The following CTCFL variants were observed in gnomAD, a reference collection of about 807,000 sequenced individuals.
The protein encoded by CTCFL is transcriptional repressor CTCFL.
A neutral mutation model predicts 67.4 loss-of-function variants in CTCFL; 36 were observed. The ratio of observed to expected loss-of-function variants is 0.53; its 90% confidence interval spans 0.41 to 0.71. The LOEUF (loss-of-function observed/expected upper bound fraction) is 0.71. Ranked by LOEUF, CTCFL falls within the 30% of genes least tolerant of loss-of-function variation. The pLI is 0.00. For missense variants in CTCFL, 786 were observed against 835.2 expected (o/e 0.94, Z 0.73); for synonymous variants, 324 against 302.3 (o/e 1.07, Z -0.75).
intron 10 of CTCFL, among the ~76,000 whole-genome samples, chr20:57,501,403 GA>G (rs2067907928): frequency 8.2e-6 from 1 of 121,854 alleles, no homozygotes; most frequent in South Asian, 3.1e-4. Context: ...GTGGGTGGGG[GA>G]CATAAAGCTG....
Position 57,524,282 on chromosome 20 carries a change from G to A in CTCFL, c.-11-66C>T, listed in dbSNP as rs2146481529. 4 of 1,534,816 alleles carry A rather than the reference G, an allele frequency of 2.6e-6. No homozygotes were observed. In the South Asian group the frequency reaches 3.8e-5, roughly 15 times the overall value. ...AGGGGGTGGTATGAGGAGGGATGCGGGGGGTGCTGGAACCTAGCAGGCTTT... is the reference window on the plus strand; with the variant it reads ...AGGGGGTGGTATGAGGAGGGATGCGAGGGGTGCTGGAACCTAGCAGGCTTT... On this transcript the variant is annotated intron_variant, in intron 1 of 10. Transcript: ENST00000243914.
intron 10 of CTCFL, among the ~76,000 whole-genome samples, chr20:57,499,320 G>A (rs1408237463): frequency 6.6e-6 from 1 of 152,158 alleles, no homozygotes; most frequent in Non-Finnish European, 1.5e-5. Context: ...TGGGTTGCGC[G>A]TTCTGCTAGG....
intron 10 of CTCFL, among the ~76,000 whole-genome samples, chr20:57,501,157 T>A (rs751896322): frequency 1.3e-5 from 2 of 152,198 alleles, no homozygotes; most frequent in African/African-American, 2.4e-5. Context: ...CCAGGCCTAG[T>A]GCCAGGAGCT....
intron 9 of CTCFL, chr20:57,506,722 G>A (rs535056261): frequency 1.1e-6 from 1 of 885,718 alleles, no homozygotes; most frequent in African/African-American, 1.8e-5. Flanking sequence ...AAAATTTTAT[G>A]TTCTGAGGGA....
At chr20:57,509,316 C>T (rs1161929484) in intron 8 of CTCFL, among the ~76,000 whole-genome samples, 4 of 143,310 alleles carry the variant, frequency 2.8e-5, no homozygotes, top group Admixed American at 1.4e-4. Context: ...GACAGGGTCT[C>T]GCTCTGTCAC....
At chr20:57,517,283 C>CTTT (rs77609219) in intron 5 of CTCFL, among the ~76,000 whole-genome samples, 4 of 130,766 alleles carry the variant, frequency 3.1e-5, no homozygotes, top group African/African-American at 2.8e-5. Flanking sequence ...AGTTCAAATG[C>CTTT]TTTTTTTTTT....
In CTCFL at chr20:57,515,719, T is replaced by C. The variant is rs768475774; in HGVS notation, c.1175A>G (p.His392Arg). ...TYKLKRHMRT[H>R]SGEKPYECHI... Reference sequence around the variant, plus strand: ...TTCAGCACCAGAGCCCTTACCTGAGTGCGTTCTCATGTGGCGTTTCAGCTT... The same window carrying C: ...TTCAGCACCAGAGCCCTTACCTGAGCGCGTTCTCATGTGGCGTTTCAGCTT... The change falls in exon 6 of 11, where the codon CAC (histidine) becomes CGC (arginine). Residue 392 changes from histidine to arginine, a missense_variant. Transcript: ENST00000243914. 1.2e-6 allele frequency: 2 copies of C among 1,614,148 alleles called. No individual in the cohort carries two copies. Among genetic ancestry groups the C allele is most frequent in the Non-Finnish European group, 1.7e-6 (2 of 1,180,010 alleles).
chr20:57,523,799 A>C lies in CTCFL; in HGVS notation c.407T>G (p.Ile136Ser), dbSNP rs144594152. 33 of 1,613,072 alleles carry C rather than the reference A, an allele frequency of 2.0e-5. No homozygotes were observed. The highest frequency in any genetic ancestry group is 2.0e-5 in the Non-Finnish European group (24 of 1,180,044). The change falls in exon 2 of 11, where the codon ATT (isoleucine) becomes AGT (serine). Residue 136 changes from isoleucine (I) to serine (S), a missense_variant. Around this residue, in one of 3 missense-constraint regions of CTCFL, gnomAD observed 333 missense variants for 304.6 expected, o/e 1.09. Coordinates refer to ENST00000243914, the MANE Select transcript of CTCFL (RefSeq NM_001386993.1). ...GGAGTACAGCTCTTGCTGGATACTA[A>C]TGGCCACACACTGCTGCAGGCTCTG... ...PRQSLQQCVAISIQQELYSPQ... is the reference protein window; with the variant it reads ...PRQSLQQCVASSIQQELYSPQ...
chr20:57,520,958 A>G (rs1355124685), intron 3 of CTCFL, among the ~76,000 whole-genome samples: 7 of 152,266 alleles, frequency 4.6e-5, no homozygotes, highest in African/African-American at 1.7e-4. Context: ...ATGTAGAGAC[A>G]TACAGGAATA....
At chr20:57,521,082 C>T (rs1451634754) in intron 3 of CTCFL, among the ~76,000 whole-genome samples, 3 of 152,210 alleles carry the variant, frequency 2.0e-5, no homozygotes, top group South Asian at 2.1e-4. Context: ...ATATATTCTC[C>T]CCGACAGCCT....
intron 9 of CTCFL, chr20:57,507,560 C>T (rs1395170433): frequency 1.4e-6 from 1 of 702,598 alleles, no homozygotes; most frequent in Non-Finnish European, 2.6e-6. Flanking sequence ...CACTCTCTCA[C>T]TTGCTCTGAG....
At chr20:57,510,579 C>T (rs1464628041) in intron 8 of CTCFL, among the ~76,000 whole-genome samples, 3 of 152,142 alleles carry the variant, frequency 2.0e-5, no homozygotes, top group Admixed American at 6.5e-5. Context: ...TAAAAGCATT[C>T]GGGGCCAGGC....
chr20:57,517,643 A>AT (rs2146409963), intron 5 of CTCFL, among the ~76,000 whole-genome samples: 1 of 152,216 alleles, frequency 6.6e-6, no homozygotes, highest in South Asian at 2.1e-4. Context: ...TCCTGCTGCC[A>AT]TTTTTGTCAC....
At chr20:57,518,305 G>A (rs1205980807) in intron 5 of CTCFL, among the ~76,000 whole-genome samples, 1 of 152,158 alleles carries the variant, frequency 6.6e-6, no homozygotes, top group Non-Finnish European at 1.5e-5. Context: ...TGAAAAGGGT[G>A]GTCTCTCTGT....
At chr20:57,515,454 G>A (rs917783182) in intron 6 of CTCFL, 47 of 437,052 alleles carry the variant, frequency 1.1e-4, no homozygotes, top group Non-Finnish European at 1.4e-4. Flanking sequence ...CAGGAGTTGA[G>A]TTTTAAATAC....
chr20:57,505,264 T>C (rs1469097940), intron 9 of CTCFL, among the ~76,000 whole-genome samples: 1 of 151,782 alleles, frequency 6.6e-6, no homozygotes, highest in Non-Finnish European at 1.5e-5. Flanking sequence ...TATTTATTTA[T>C]TTATTTTTTG....
rs757765643 is a variant in CTCFL at position 57,512,759 on chromosome 20, T to C, written c.1331-7A>G. On this transcript the variant is annotated splice_polypyrimidine_tract_variant and splice_region_variant and intron_variant, in intron 7 of 10. Transcript: ENST00000243914. Reference sequence around the variant, plus strand: ...AAGTTGCGCATATGCACACCTAAAATGGTCACAGAACATTATATACTTCAA... The same window carrying C: ...AAGTTGCGCATATGCACACCTAAAACGGTCACAGAACATTATATACTTCAA... 2 of 1,613,718 alleles carry C rather than the reference T, an allele frequency of 1.2e-6. No individual in the cohort carries two copies. The highest frequency in any genetic ancestry group is 1.7e-5 in the Admixed American group (1 of 59,998).
intron 10 of CTCFL, chr20:57,500,233 G>T: frequency 1.9e-6 from 2 of 1,044,000 alleles, no homozygotes; most frequent in Non-Finnish European, 2.4e-6. Context: ...GGGAGGCCGA[G>T]GCGGGCAGAT....
downstream of CTCFL, chr20:57,497,108 A>C: frequency 2.5e-6 from 1 of 403,030 alleles, no homozygotes; most frequent in Non-Finnish European, 3.3e-6. Flanking sequence ...CAATTTCTCC[A>C]CATTCTCTCC....
Sources: gnomAD v4.1 joint callset for allele counts (sites outside exome capture counted in the v4.1 genomes callset) on GRCh38, gnomAD v4.1.1 for gene constraint, gnomAD v4.1.1 regional missense constraint, MANE v1.5 for transcripts, NCBI Gene and HGNC (gene_info 2026-07-23, HGNC 2026-07-21) for gene names.